CAP1: variants seen among roughly 807,000 people sequenced by gnomAD.
CAP1 encodes adenylyl cyclase-associated protein 1.
CAP1 carries 11 observed loss-of-function variants against 58.2 expected under a neutral mutation model. That is an observed-to-expected ratio of 0.19 (90% CI 0.12 to 0.31). The LOEUF (loss-of-function observed/expected upper bound fraction) is 0.31. Ranked by LOEUF, CAP1 falls within the 10% of genes least tolerant of loss-of-function variation. CAP1 has a pLI of 1.00. For synonymous variants in CAP1, 183 were observed against 213.8 expected, an observed-to-expected ratio of 0.86 and a Z score of 1.26; for missense variants, 423 against 587.5, an observed-to-expected ratio of 0.72 and a Z score of 2.89.
intron 11 of CAP1, 156 bp from the exon 12 acceptor site, chr1:40,070,680 C>A (rs1450004430): frequency 2.2e-6 from 2 of 896,082 alleles, no homozygotes; most frequent in African/African-American, 1.7e-5. Flanking sequence ...AAGTTCTTTT[C>A]AGGACCCATC....
rs1381942026 is a variant in CAP1 at position 40,072,212 on chromosome 1, A to G, written c.*679A>G. The stretch of plus-strand genomic sequence containing the variant: ...GTCTTGGACCCTTTCTTTCTCTGGG[A>G]TCCCTGCCCAGCACCTTCCTATAGA... On this transcript the variant is annotated 3_prime_UTR_variant, in exon 13 of 13. Transcript: ENST00000372805. 1 of 383,776 alleles carries G rather than the reference A, an allele frequency of 2.6e-6. No individual in the cohort carries two copies. Among genetic ancestry groups the G allele is most frequent in the African/African-American group, 2.2e-5 (1 of 46,096 alleles). 23.8% of individuals were successfully genotyped at this position (383,776 alleles called of 1,614,324 possible).
intron 1 of CAP1, among the ~76,000 whole-genome samples, chr1:40,045,037 G>A (rs1376728919): frequency 6.6e-6 from 1 of 151,854 alleles, no homozygotes; most frequent in East Asian, 1.9e-4. Flanking sequence ...GCTCGCCTCG[G>A]CCTCCCAAGG....
At chr1:40,060,509 C>CA in intron 3 of CAP1, among the ~76,000 whole-genome samples, 1 of 152,222 alleles carries the variant, frequency 6.6e-6, no homozygotes, top group African/African-American at 2.4e-5. Context: ...TTAAAGGAGT[C>CA]ATTATCATGA....
chr1:40,065,449 T>A (rs528316386), intron 6 of CAP1, among the ~76,000 whole-genome samples: 1 of 152,354 alleles, frequency 6.6e-6, no homozygotes, highest in African/African-American at 2.4e-5. Context: ...TATTAACTAC[T>A]CTTTTTAAGG....
chr1:40,045,503 A>G (rs965978481), intron 1 of CAP1, among the ~76,000 whole-genome samples: 1 of 152,136 alleles, frequency 6.6e-6, no homozygotes, highest in Admixed American at 6.5e-5. Context: ...GGCTCAAGTA[A>G]TCTTCTCGCT....
At chr1:40,053,410 C>T (rs35981772) in intron 1 of CAP1, among the ~76,000 whole-genome samples, 21,600 of 151,886 alleles carry the variant, frequency 0.14, 1,844 homozygotes, top group African/African-American at 0.24. Context: ...AATATTTGTA[C>T]TCTAGGCCTA....
At chr1:40,062,653 T>C (rs952930387) in intron 4 of CAP1, among the ~76,000 whole-genome samples, 2 of 152,072 alleles carry the variant, frequency 1.3e-5, no homozygotes, top group African/African-American at 4.8e-5. Context: ...TAGTCCCAGC[T>C]ACTTGAGAGG....
chr1:40,072,354 T>C lies in CAP1; in HGVS notation c.*821T>C. ...GTCACCTGTCTTCACTGCCTCCTTT[T>C]CCCTGTCATGCTCATCAGCTTATGG... On this transcript the variant is annotated 3_prime_UTR_variant, in exon 13 of 13. Transcript: ENST00000372805. The C allele has an allele frequency of 6.1e-6, 2 of 326,710 alleles. No individual in the cohort carries two copies. Among genetic ancestry groups the C allele is most frequent in the Admixed American group, 4.9e-5 (1 of 20,562 alleles). 20.2% of individuals were successfully genotyped at this position (326,710 alleles called of 1,614,324 possible).
chr1:40,056,697 A>G (rs1646631586), intron 1 of CAP1, among the ~76,000 whole-genome samples: 1 of 152,226 alleles, frequency 6.6e-6, no homozygotes, highest in South Asian at 2.1e-4. Context: ...CCACCTCGCA[A>G]ATAGGCTGGG....
intron 1 of CAP1, among the ~76,000 whole-genome samples, chr1:40,056,723 G>C (rs1470145702): frequency 6.6e-6 from 1 of 152,030 alleles, no homozygotes; most frequent in East Asian, 1.9e-4. Context: ...CTACAACAAG[G>C]GTAGTCAGAG....
Position 40,071,918 on chromosome 1 carries a change from T to C in CAP1, c.*385T>C. The C allele has an allele frequency of 2.4e-6, 1 of 412,456 alleles. No homozygotes were observed. 25.5% of individuals were successfully genotyped at this position (412,456 alleles called of 1,614,324 possible). A position where few individuals can be genotyped will look rare whatever the true frequency, so the allele number is the denominator to read the frequency against. On this transcript the variant is annotated 3_prime_UTR_variant, in exon 13 of 13. Coordinates refer to ENST00000372805, the MANE Select transcript of CAP1 (RefSeq NM_006367.4). ...CAGAATGTTCACACTGGTTAATCTT[T>C]TTTTAACAATGAGCATGAAGGTAGC...
intron 1 of CAP1, among the ~76,000 whole-genome samples, chr1:40,051,529 G>A (rs577265025): frequency 6.6e-6 from 1 of 152,316 alleles, no homozygotes; most frequent in East Asian, 1.9e-4. Flanking sequence ...CTCCAGCCTG[G>A]TCAATAGAGC....
intron 1 of CAP1, among the ~76,000 whole-genome samples, chr1:40,050,795 A>C (rs1336774863): frequency 2.6e-5 from 4 of 152,228 alleles, no homozygotes; most frequent in Non-Finnish European, 4.4e-5. Flanking sequence ...TTTATCAGAC[A>C]GTACTTGTAA....
chr1:40,043,285 C>A lies in CAP1; in HGVS notation c.-11+2484C>A, dbSNP rs535250638. 5.9e-5 allele frequency among the ~76,000 whole-genome samples: 9 copies of A among 152,222 alleles called. No individual in the cohort carries two copies. In the South Asian group the frequency reaches 1.5e-3, roughly 25 times the overall value. On this transcript the variant is annotated intron_variant, in intron 1 of 12. Transcript: ENST00000372805. ...CAATCTCGGGTCACTGAAACCTCCA[C>A]CTCCCAGGTTCAAGGAATTCTCCTG... is the stretch of plus-strand genomic sequence containing the variant.
chr1:40,049,178 AT>A (rs72214452), intron 1 of CAP1, among the ~76,000 whole-genome samples: 49 of 84,874 alleles, frequency 5.8e-4, no homozygotes, highest in East Asian at 9.1e-4. Context: ...GCCATTTCTA[AT>A]TTTTTTTTTT....
intron 8 of CAP1, 101 bp downstream of exon 8, chr1:40,067,818 T>C: frequency 1.2e-6 from 1 of 814,256 alleles, no homozygotes; most frequent in Non-Finnish European, 2.0e-6. Flanking sequence ...GCTTGTGTGG[T>C]GGAGACTCGT....
At chr1:40,050,686 A>G (rs1025510285) in intron 1 of CAP1, among the ~76,000 whole-genome samples, 8 of 152,012 alleles carry the variant, frequency 5.3e-5, no homozygotes, top group Non-Finnish European at 7.4e-5. Context: ...ATAAATAAAT[A>G]CAAATATCTT....
intron 1 of CAP1, among the ~76,000 whole-genome samples, chr1:40,056,049 C>T (rs775833289): frequency 6.6e-6 from 1 of 152,142 alleles, no homozygotes; most frequent in African/African-American, 2.4e-5. Flanking sequence ...AATTGAGTCT[C>T]AGAAAGTTTG....
intron 1 of CAP1, among the ~76,000 whole-genome samples, chr1:40,051,046 C>T (rs918148234): frequency 2.6e-5 from 4 of 152,142 alleles, no homozygotes; most frequent in Non-Finnish European, 4.4e-5. Flanking sequence ...GAATGGCTTC[C>T]CTTTTTTCTC....
Sources: gnomAD v4.1 joint callset for allele counts (sites outside exome capture counted in the v4.1 genomes callset) on GRCh38, gnomAD v4.1.1 for gene constraint, MANE v1.5 for transcripts, NCBI Gene and HGNC (gene_info 2026-07-23, HGNC 2026-07-21) for gene names.